Variants in REC114 observed in about 807,000 individuals in gnomAD.
The protein encoded by REC114 is meiotic recombination protein REC114.
A neutral mutation model predicts 31.3 loss-of-function variants in REC114; 27 were observed. That is an observed-to-expected ratio of 0.86 (90% confidence interval 0.64 to 1.19). The LOEUF (loss-of-function observed/expected upper bound fraction) is 1.19. REC114 is among the 50% of genes most tolerant of loss of function. The pLI is 0.00. For missense variants in REC114, 344 were observed against 326.9 expected, an observed-to-expected ratio of 1.05 and a Z score of -0.40; for synonymous variants, 134 against 127.7, an observed-to-expected ratio of 1.05 and a Z score of -0.33.
At chr15:73,551,559 C>T (rs1038395475) in intron 4 of REC114, among the ~76,000 whole-genome samples, 1 of 152,154 alleles carries the variant, frequency 6.6e-6, no homozygotes, top group Non-Finnish European at 1.5e-5. Context: ...CAGGCAGTGG[C>T]ACCAAACTGT....
chr15:73,559,983 G>T lies in REC114; in HGVS notation c.*67G>T, dbSNP rs1894563389. On this transcript the variant is annotated 3_prime_UTR_variant, in exon 6 of 6. Coordinates refer to ENST00000331090, the MANE Select transcript of REC114 (RefSeq NM_001042367.2). The stretch of plus-strand genomic sequence containing the variant: ...AAAAATGCTTCCTCCTAAAATTAAA[G>T]AAGATATTAGAATAAAGAGTATTAT... 7.2e-7 allele frequency: 1 copy of T among 1,380,144 alleles called. No homozygotes were observed. The highest frequency in any genetic ancestry group is 2.5e-5 in the East Asian group (1 of 39,544). 85.5% of individuals were successfully genotyped at this position (1,380,144 alleles called of 1,614,324 possible). A position where few individuals can be genotyped will look rare whatever the true frequency, so the allele number is the denominator to read the frequency against.
At chr15:73,527,711 C>T (rs1894025580) in intron 2 of REC114, among the ~76,000 whole-genome samples, 1 of 152,264 alleles carries the variant, frequency 6.6e-6, no homozygotes, top group African/African-American at 2.4e-5. Context: ...TGTATTTTCT[C>T]CTATCTCCCC....
intron 2 of REC114, among the ~76,000 whole-genome samples, chr15:73,521,760 A>G (rs1893938502): frequency 6.6e-6 from 1 of 152,200 alleles, no homozygotes; most frequent in Admixed American, 6.5e-5. Context: ...CAAAGCTAAC[A>G]GAAGAAAGAA....
At chr15:73,455,084 C>A (rs144040016) in intron 1 of REC114, among the ~76,000 whole-genome samples, 1 of 152,056 alleles carries the variant, frequency 6.6e-6, no homozygotes, top group African/African-American at 2.4e-5. Flanking sequence ...CCATCCTACC[C>A]GCTGTGATCA....
intron 1 of REC114, among the ~76,000 whole-genome samples, chr15:73,458,590 G>T (rs545442783): frequency 6.6e-6 from 1 of 152,202 alleles, no homozygotes; most frequent in Non-Finnish European, 1.5e-5. Context: ...TCCACAGCTG[G>T]TGTGGCACTA....
chr15:73,556,899 C>T (rs1894476579), intron 5 of REC114, among the ~76,000 whole-genome samples: 1 of 152,048 alleles, frequency 6.6e-6, no homozygotes, highest in South Asian at 2.1e-4. Flanking sequence ...CCCCCTGCTG[C>T]AAAACCTCTT....
At chr15:73,487,872 T>A (rs1223110342) in intron 2 of REC114, among the ~76,000 whole-genome samples, 1 of 137,594 alleles carries the variant, frequency 7.3e-6, no homozygotes, top group African/African-American at 3.1e-5. Flanking sequence ...CATGTGGTAT[T>A]TTTTTTTGCC....
chr15:73,554,972 A>G (rs1023238406), intron 4 of REC114, among the ~76,000 whole-genome samples: 2 of 152,222 alleles, frequency 1.3e-5, no homozygotes, highest in African/African-American at 2.4e-5. Context: ...GAACAGAGAA[A>G]TGGGGCTTGT....
At position 73,458,846 on chromosome 15, in the gene REC114, G is replaced by A. The variant is rs558168963; in HGVS notation, c.160-14986G>A. On this transcript the variant is annotated intron_variant, in intron 1 of 5. Transcript: ENST00000331090. ...CACGGGCAGCTGGTATATATGGTCT[G>A]TATTCCACAAGTTCATATGTCTAGC... 2.6e-5 allele frequency among the ~76,000 whole-genome samples: 4 copies of A among 152,294 alleles called. No individual in the cohort carries two copies. The South Asian group carries it at 8.3e-4, about 32-fold the overall frequency.
At chr15:73,485,839 T>G (rs1446033987) in intron 2 of REC114, among the ~76,000 whole-genome samples, 1 of 152,212 alleles carries the variant, frequency 6.6e-6, no homozygotes, top group Non-Finnish European at 1.5e-5. Flanking sequence ...CAGGAAAGAA[T>G]GAGGGAAACA....
At chr15:73,475,566 T>A (rs142970282) in intron 2 of REC114, among the ~76,000 whole-genome samples, 1 of 152,290 alleles carries the variant, frequency 6.6e-6, no homozygotes, top group African/African-American at 2.4e-5. Context: ...CTAGAAAAAA[T>A]ATTGTATATG....
At chr15:73,476,984 C>T (rs150835914) in intron 2 of REC114, among the ~76,000 whole-genome samples, 70 of 152,278 alleles carry the variant, frequency 4.6e-4, no homozygotes, top group Middle Eastern at 3.4e-3. Context: ...TCATAAGCAA[C>T]GTATGAGGGT....
intron 2 of REC114, among the ~76,000 whole-genome samples, chr15:73,474,676 C>T (rs1021634517): frequency 6.6e-6 from 1 of 152,052 alleles, no homozygotes; most frequent in Non-Finnish European, 1.5e-5. Flanking sequence ...TTAGGGGATG[C>T]TAGGGATATA....
chr15:73,453,494 A>G (rs1567847522), intron 1 of REC114, among the ~76,000 whole-genome samples: 1 of 152,208 alleles, frequency 6.6e-6, no homozygotes, highest in Non-Finnish European at 1.5e-5. Flanking sequence ...GATGTGGAGA[A>G]ATAGGAACGC....
At chr15:73,530,587 G>T (rs1033051285) in intron 2 of REC114, among the ~76,000 whole-genome samples, 4 of 152,176 alleles carry the variant, frequency 2.6e-5, no homozygotes, top group African/African-American at 9.7e-5. Flanking sequence ...GATCAAGGCT[G>T]CAGTGAGTTA....
At chr15:73,476,474 TTATA>T (rs1415164187) in intron 2 of REC114, among the ~76,000 whole-genome samples, 1 of 152,198 alleles carries the variant, frequency 6.6e-6, no homozygotes, top group Non-Finnish European at 1.5e-5. Context: ...TAATTTTTGT[TTATA>T]TATATCTTTA....
chr15:73,446,251 A>G (rs1892762927), intron 1 of REC114, among the ~76,000 whole-genome samples: 3 of 152,124 alleles, frequency 2.0e-5, no homozygotes, highest in Admixed American at 6.5e-5. Context: ...GGGATTTTGG[A>G]TTATACACAT....
intron 2 of REC114, among the ~76,000 whole-genome samples, chr15:73,497,744 G>C (rs142645036): frequency 6.6e-6 from 1 of 152,054 alleles, no homozygotes; most frequent in African/African-American, 2.4e-5. Flanking sequence ...CTCTTTTCAG[G>C]GGCTGACTTA....
intron 2 of REC114, among the ~76,000 whole-genome samples, chr15:73,526,358 T>C (rs763072578): frequency 9.2e-5 from 14 of 152,220 alleles, no homozygotes; most frequent in Admixed American, 1.3e-4. Context: ...ATTTTCTGTT[T>C]ATCACATCTA....
Sources: allele counts gnomAD v4.1 joint callset (sites outside exome capture counted in the v4.1 genomes callset), GRCh38; gene constraint gnomAD v4.1.1; transcripts MANE v1.5; gene names NCBI Gene and HGNC (gene_info 2026-07-23, HGNC 2026-07-21).